COPA: variants seen among roughly 807,000 people sequenced by gnomAD.
The protein encoded by COPA is coatomer subunit alpha.
Under a neutral mutation model 158.7 loss-of-function variants are expected in COPA, and 10 were observed. The ratio of observed to expected loss-of-function variants is 0.06; its 90% CI spans 0.04 to 0.11. COPA has a LOEUF of 0.11. COPA is among the 10% of genes least tolerant of loss of function. The probability of loss-of-function intolerance (pLI) is 1.00; values close to 1 mark genes in which losing one functional copy is unlikely to be tolerated. For missense variants in COPA, 1,065 were observed against 1,536.7 expected (o/e 0.69, Z 5.13); for synonymous variants, 462 against 542.8 (o/e 0.85, Z 2.07).
In COPA at chr1:160,298,862, C is replaced by T. The variant is rs1658498935; in HGVS notation, c.1960G>A (p.Glu654Lys). Residue 654 changes from glutamate to lysine, a missense_variant, in exon 19 of 33, where the codon GAG becomes AAG. Glu to Lys is a moderately conservative substitution (Grantham distance 56, BLOSUM62 1). Transcript: ENST00000241704. The part of the protein sequence containing the change: ...DEKTRFSLAL[E>K]CGNIEIALEA... The stretch of plus-strand genomic sequence containing the variant: ...CCTCTCACCTCAATGTTTCCACACT[C>T]CAGTGCCAGACTAAAGCGAGTTTTC... 1 of 1,614,064 alleles carries T rather than the reference C, an allele frequency of 6.2e-7. No individual in the cohort carries two copies. Among genetic ancestry groups the T allele is most frequent in the African/African-American group, 1.3e-5 (1 of 74,940 alleles).
intron 6 of COPA, chr1:160,326,013 C>T (rs746530794): frequency 5.6e-6 from 1 of 178,462 alleles, no homozygotes; most frequent in Non-Finnish European, 1.2e-5. Flanking sequence ...GAAATGTGGC[C>T]CCAAATGGTA....
rs1321120144 is a variant in COPA at position 160,291,809 on chromosome 1, T to A, written c.3258+10A>T. ...CGTCTCTGTTGTGCTCAGGGTCCTA[T>A]AGATCTTACCTCACAGATGCGCTTC... On this transcript the variant is annotated intron_variant, in intron 30 of 32. Coordinates refer to ENST00000241704, the MANE Select transcript of COPA (RefSeq NM_004371.4). 2 of 1,613,250 alleles carry A rather than the reference T, an allele frequency of 1.2e-6. No individual in the cohort carries two copies. The highest frequency in any genetic ancestry group is 1.7e-5 in the Admixed American group (1 of 60,024).
At chr1:160,316,006 T>G (rs888607897) in intron 8 of COPA, among the ~76,000 whole-genome samples, 3 of 152,206 alleles carry the variant, frequency 2.0e-5, no homozygotes, top group African/African-American at 7.2e-5. Flanking sequence ...AGACTCTGAA[T>G]AGCAGACTGG....
intron 6 of COPA, 47 bp from the exon 7 acceptor site, chr1:160,325,699 T>C (rs777460741): frequency 1.5e-6 from 2 of 1,337,504 alleles, no homozygotes; most frequent in South Asian, 1.2e-5. Flanking sequence ...CATAATATTA[T>C]CTAAAACAGC....
Position 160,309,162 on chromosome 1 carries a change from T to C in COPA, c.1158A>G (p.Leu386=). The C allele has an allele frequency of 1.2e-6, 2 of 1,611,966 alleles. No homozygotes were observed. The highest frequency in any genetic ancestry group is 1.1e-5 in the South Asian group (1 of 91,004). The change falls in exon 13 of 33, where the codon CTA becomes CTG. Residue 386 remains leucine, a synonymous_variant. Coordinates refer to ENST00000241704, the MANE Select transcript of COPA (RefSeq NM_004371.4). ...TGTACAGGTCATAGGTACTATTCTCTAGATTGCTAGCTCTCTGTAGAAGAA... is the reference window on the plus strand; with the variant it reads ...TGTACAGGTCATAGGTACTATTCTCCAGATTGCTAGCTCTCTGTAGAAGAA... ...AVLLCTRASN[L]ENSTYDLYTI... is the part of the protein sequence containing the mutation.
chr1:160,313,031 A>G (rs1339603780), intron 10 of COPA, 54 bp downstream of exon 10: 32 of 1,505,818 alleles, frequency 2.1e-5, no homozygotes, highest in Middle Eastern at 1.7e-4. Context: ...AATCACTTTC[A>G]AGACTTATAA....
chr1:160,294,140 TC>T (rs1491000309), intron 25 of COPA, among the ~76,000 whole-genome samples: 3 of 152,136 alleles, frequency 2.0e-5, no homozygotes, highest in Admixed American at 2.0e-4. Flanking sequence ...TAACTTTGAC[TC>T]TCTCGTTCTT....
At chr1:160,292,741 A>G (rs905498944) in intron 27 of COPA, 121 bp from the exon 28 acceptor site, 9 of 727,768 alleles carry the variant, frequency 1.2e-5, no homozygotes, top group Admixed American at 3.1e-5. Flanking sequence ...ACTTAATTGT[A>G]AGACCTACCT....
At chr1:160,311,803 T>C (rs2101844183) in intron 11 of COPA, 65 bp downstream of exon 11, 2 of 1,378,180 alleles carry the variant, frequency 1.5e-6, no homozygotes, top group South Asian at 1.8e-5. Context: ...AAGAGTCTTG[T>C]TTGTGGGAGT....
At chr1:160,318,495 A>AC (rs1200150600) in intron 8 of COPA, among the ~76,000 whole-genome samples, 2 of 139,184 alleles carry the variant, frequency 1.4e-5, no homozygotes, top group East Asian at 4.0e-4. Context: ...AAAAAAACAA[A>AC]AAAAAAAAAA....
chr1:160,307,038 A>G (rs1658810143), intron 14 of COPA, 125 bp downstream of exon 14: 4 of 898,502 alleles, frequency 4.5e-6, no homozygotes, highest in Non-Finnish European at 7.3e-6. Flanking sequence ...ACAGAGGTAC[A>G]GCCAATACAT....
Position 160,290,527 on chromosome 1 carries a change from G to A in COPA, c.3580C>T (p.Pro1194Ser). The A allele has an allele frequency of 6.2e-7, 1 of 1,614,174 alleles. No homozygotes were observed. The highest frequency in any genetic ancestry group is 8.5e-7 in the Non-Finnish European group (1 of 1,180,018). Residue 1194 changes from proline to serine, a missense_variant, in exon 32 of 33, where the codon CCT becomes TCT. Physicochemically the swap from Pro to Ser is moderately conservative, Grantham distance 74. This residue lies in a region of COPA where 980 missense variants were observed against 1,357.8 expected (regional missense o/e 0.72). Coordinates refer to ENST00000241704, the MANE Select transcript of COPA (RefSeq NM_004371.4). ...KCPLSGACYS[P>S]EFKGQICRVT... ...CTGCAGATTTGACCTTTGAACTCAGGGGAATAGCAGGCCCCACTGAGTGGA... is the reference window on the plus strand; with the variant it reads ...CTGCAGATTTGACCTTTGAACTCAGAGGAATAGCAGGCCCCACTGAGTGGA...
intron 9 of COPA, among the ~76,000 whole-genome samples, chr1:160,313,453 T>G (rs140544754): frequency 6.6e-6 from 1 of 151,872 alleles, no homozygotes; most frequent in African/African-American, 2.4e-5. Context: ...CTCGCTCTGT[T>G]GCCCAGGCTG....
intron 21 of COPA, 126 bp downstream of exon 21, chr1:160,297,217 T>C (rs1198348699): frequency 2.5e-6 from 2 of 816,062 alleles, no homozygotes; most frequent in African/African-American, 3.4e-5. Flanking sequence ...AGTAGGAGCA[T>C]GTTGTCTCTC....
At chr1:160,310,352 C>A in intron 11 of COPA, 94 bp from the exon 12 acceptor site, 1 of 651,462 alleles carries the variant, frequency 1.5e-6, no homozygotes, top group East Asian at 2.8e-5. Flanking sequence ...CTTATCCAAT[C>A]TTTACACTAT....
At chr1:160,336,135 C>G (rs1185815960) in intron 3 of COPA, among the ~76,000 whole-genome samples, 2 of 151,456 alleles carry the variant, frequency 1.3e-5, no homozygotes, top group African/African-American at 4.9e-5. Flanking sequence ...CACCTGAGGT[C>G]AGGAGTTTGG....
intron 8 of COPA, among the ~76,000 whole-genome samples, chr1:160,319,161 C>T (rs369452794): frequency 6.6e-6 from 1 of 151,992 alleles, no homozygotes; most frequent in South Asian, 2.1e-4. Context: ...CCTATACAGA[C>T]ACACATAGAC....
At chr1:160,323,365 C>A in intron 8 of COPA, 66 bp downstream of exon 8, 1 of 1,344,284 alleles carries the variant, frequency 7.4e-7, no homozygotes, top group African/African-American at 1.4e-5. Flanking sequence ...TCCAGAAGAC[C>A]TGGCTACTTT....
In COPA at chr1:160,306,264, C is replaced by A. The variant is rs1557864919; in HGVS notation, c.1442+90G>T. 4.1e-6 allele frequency: 6 copies of A among 1,463,244 alleles called. No individual in the cohort carries two copies. The East Asian group carries it at 1.4e-4, about 34-fold the overall frequency. 90.6% of individuals were successfully genotyped at this position (1,463,244 alleles called of 1,614,324 possible). A position where few individuals can be genotyped will look rare whatever the true frequency, so the allele number is the denominator to read the frequency against. On this transcript the variant is annotated intron_variant, in intron 15 of 32. Coordinates refer to ENST00000241704, the MANE Select transcript of COPA (RefSeq NM_004371.4). ...CACAAGAAGTGGCCAAGCCACAAGA[C>A]AAACTCACTTGGGGAAAAAAGGTTC...
Sources: gnomAD v4.1 joint callset for allele counts (sites outside exome capture counted in the v4.1 genomes callset) on GRCh38, gnomAD v4.1.1 for gene constraint, gnomAD v4.1.1 regional missense constraint, MANE v1.5 for transcripts, NCBI Gene and HGNC (gene_info 2026-07-23, HGNC 2026-07-21) for gene names.